The following PTPRD variants were observed in gnomAD, a reference collection of about 807,000 sequenced individuals.
PTPRD encodes the protein protein tyrosine phosphatase receptor type D.
PTPRD carries 34 observed loss-of-function variants against 214.5 expected under a neutral mutation model. The observed-to-expected ratio is 0.16, with a 90% confidence interval of 0.12 to 0.21. The LOEUF (loss-of-function observed/expected upper bound fraction) is 0.21. Among genes scored for constraint, PTPRD ranks in the 10% least tolerant of loss-of-function variants. The pLI, the probability that PTPRD is intolerant of heterozygous loss-of-function variation, is 1.00. For missense variants in PTPRD, 2,545 were observed against 2,398.7 expected (o/e 1.06, Z -1.27); for synonymous variants, 1,128 against 845.7 (o/e 1.33, Z -5.79).
intron 3 of PTPRD, among the ~76,000 whole-genome samples, chr9:10,314,851 T>C (rs940182902): frequency 2.0e-5 from 3 of 151,918 alleles, no homozygotes; most frequent in African/African-American, 7.2e-5. Flanking sequence ...CTTTTGACAT[T>C]ATTATACAGC....
At chr9:10,025,163 G>A (rs2096900033) in intron 4 of PTPRD, among the ~76,000 whole-genome samples, 1 of 152,070 alleles carries the variant, frequency 6.6e-6, no homozygotes, top group South Asian at 2.1e-4. Flanking sequence ...GGATGGCTAG[G>A]TCAAATGGTA....
intron 11 of PTPRD, among the ~76,000 whole-genome samples, chr9:8,910,833 A>G (rs2098741736): frequency 6.6e-6 from 1 of 152,234 alleles, no homozygotes; most frequent in Admixed American, 6.5e-5. Flanking sequence ...TCCAAAAGTG[A>G]AACTAAGTAA....
At chr9:9,117,189 T>A (rs1459941114) in intron 10 of PTPRD, among the ~76,000 whole-genome samples, 1 of 152,126 alleles carries the variant, frequency 6.6e-6, no homozygotes, top group Non-Finnish European at 1.5e-5. Context: ...AAAATTAGTA[T>A]CTTTTTCCAG....
In PTPRD at chr9:8,934,494, AATATATATAT is replaced by A. The variant is rs1420703537; in HGVS notation, c.-104+84193_-104+84202del. On this transcript the variant is annotated intron_variant, in intron 11 of 45. Coordinates refer to ENST00000381196, the MANE Select transcript of PTPRD (RefSeq NM_002839.4). ...ATATATATAAATATATATATATATAAATATATATATAAATATATATATATAAATATATATA... is the reference window on the plus strand; with the variant it reads ...ATATATATAAATATATATATATATAAAAATATATATATATAAATATATATA... Among the ~76,000 whole-genome samples, 52 of 7,432 alleles carry A rather than the reference AATATATATAT, an allele frequency of 7.0e-3. 6 individuals are homozygous for A. In the East Asian group the frequency reaches 0.089, roughly 13 times the overall value. 4.9% of individuals were successfully genotyped at this position (7,432 alleles called of 152,430 possible).
rs887578803 is a variant in PTPRD, at chr9:8,516,702, A to G, written c.1543+1146T>C. ...TATGTAGATTTCAAAACAAGCCAAC[A>G]GCATGATGCCAAAACATTCGTAGAT... On this transcript the variant is annotated intron_variant, in intron 21 of 45. Transcript: ENST00000381196. Among the ~76,000 whole-genome samples, 6 of 152,086 alleles carry G rather than the reference A, an allele frequency of 3.9e-5. 1 individual carries two copies. In the South Asian group the frequency reaches 6.2e-4, roughly 16 times the overall value.
At chr9:9,439,946 C>A (rs2086856161) in intron 8 of PTPRD, among the ~76,000 whole-genome samples, 1 of 152,092 alleles carries the variant, frequency 6.6e-6, no homozygotes, top group African/African-American at 2.4e-5. Flanking sequence ...ATGTCAAAAC[C>A]CAGCCTATTT....
intron 8 of PTPRD, among the ~76,000 whole-genome samples, chr9:9,518,243 G>A (rs750376097): frequency 5.3e-5 from 8 of 152,060 alleles, no homozygotes; most frequent in Non-Finnish European, 1.0e-4. Context: ...AGCAGACCAT[G>A]AGTCTTCTTA....
chr9:9,035,086 T>C (rs1482132724), intron 10 of PTPRD, among the ~76,000 whole-genome samples: 1 of 152,094 alleles, frequency 6.6e-6, no homozygotes, highest in Non-Finnish European at 1.5e-5. Flanking sequence ...TTGGATTTTT[T>C]GCATCTCACT....
intron 10 of PTPRD, among the ~76,000 whole-genome samples, chr9:9,029,178 T>C (rs1569466492): frequency 1.3e-5 from 2 of 152,122 alleles, no homozygotes; most frequent in Admixed American, 1.3e-4. Flanking sequence ...ATATTTATTG[T>C]TACATTTTAT....
chr9:8,840,162 T>C (rs114898919), intron 11 of PTPRD, among the ~76,000 whole-genome samples: 1,654 of 152,302 alleles, frequency 0.011, 28 homozygotes, highest in African/African-American at 0.035. Flanking sequence ...TACACATTAG[T>C]AGAACTACCT....
At chr9:8,893,626 C>G (rs1291541498) in intron 11 of PTPRD, among the ~76,000 whole-genome samples, 1 of 152,152 alleles carries the variant, frequency 6.6e-6, no homozygotes, top group African/African-American at 2.4e-5. Context: ...CACTTTGGCA[C>G]AATGTGGTAA....
intron 11 of PTPRD, among the ~76,000 whole-genome samples, chr9:8,997,660 G>C (rs1323992764): frequency 2.6e-5 from 4 of 152,038 alleles, no homozygotes; most frequent in Non-Finnish European, 5.9e-5. Context: ...AAGTGTTCAA[G>C]TGAAAGGAAG....
chr9:10,453,343 A>C (rs113264536), intron 2 of PTPRD, among the ~76,000 whole-genome samples: 2,065 of 151,758 alleles, frequency 0.014, 34 homozygotes, highest in African/African-American at 0.045. Context: ...CTTTTAATTT[A>C]AAAAATAACT....
At chr9:8,770,884 G>A (rs988208240) in intron 11 of PTPRD, among the ~76,000 whole-genome samples, 1 of 152,038 alleles carries the variant, frequency 6.6e-6, no homozygotes, top group Admixed American at 6.6e-5. Flanking sequence ...CAGTTTCTTT[G>A]ATAACAGTCT....
intron 9 of PTPRD, among the ~76,000 whole-genome samples, chr9:9,356,636 G>A (rs2053899112): frequency 6.6e-6 from 1 of 151,404 alleles, no homozygotes; most frequent in African/African-American, 2.4e-5. Context: ...GAATATACAA[G>A]AAGGTTAATT....
chr9:10,408,671 A>C lies in PTPRD; in HGVS notation c.-599-67654T>G, dbSNP rs1331614022. Among the ~76,000 whole-genome samples the C allele has an allele frequency of 5.9e-5, 9 of 151,824 alleles. No homozygotes were observed. In the East Asian group the frequency reaches 1.2e-3, roughly 20 times the overall value. On this transcript the variant is annotated intron_variant, in intron 2 of 45. Transcript: ENST00000381196. Reference sequence around the variant, plus strand: ...GGTCCCATGAAGAAAAGTGGCAGGCATGACTCTTCTTTGCATGCTACTGGT... The same window carrying C: ...GGTCCCATGAAGAAAAGTGGCAGGCCTGACTCTTCTTTGCATGCTACTGGT...
chr9:10,012,511 G>C (rs1440728393), intron 4 of PTPRD, among the ~76,000 whole-genome samples: 1 of 151,856 alleles, frequency 6.6e-6, no homozygotes, highest in Non-Finnish European at 1.5e-5. Flanking sequence ...TTATAACTAA[G>C]AAGGCATTTA....
intron 10 of PTPRD, among the ~76,000 whole-genome samples, chr9:9,041,997 T>C (rs2099641370): frequency 6.6e-6 from 1 of 152,204 alleles, no homozygotes; most frequent in South Asian, 2.1e-4. Context: ...TGATGTGACA[T>C]AAATCCAATT....
chr9:9,671,069 A>C (rs1375379265), intron 7 of PTPRD, among the ~76,000 whole-genome samples: 2 of 152,196 alleles, frequency 1.3e-5, no homozygotes, highest in South Asian at 4.1e-4. Context: ...ACAGACACTC[A>C]ATGCCAGCTC....
Sources: allele counts gnomAD v4.1 joint callset (sites outside exome capture counted in the v4.1 genomes callset), GRCh38; gene constraint gnomAD v4.1.1; transcripts MANE v1.5; gene names NCBI Gene and HGNC (gene_info 2026-07-23, HGNC 2026-07-21).